Variants in DCP1B observed in about 807,000 individuals in gnomAD.
The protein encoded by DCP1B is decapping mRNA 1B.
DCP1B carries 47 observed loss-of-function variants against 60.5 expected under a neutral mutation model. The ratio of observed to expected loss-of-function variants is 0.78; its 90% CI spans 0.61 to 0.99. The LOEUF is 0.99. Among genes scored for constraint, DCP1B ranks in the 50% least tolerant of loss-of-function variants. The pLI is 0.00. For synonymous variants in DCP1B, 267 were observed against 280.3 expected, an observed-to-expected ratio of 0.95 and a Z score of 0.47; for missense variants, 725 against 756.8, an observed-to-expected ratio of 0.96 and a Z score of 0.49.
chr12:1,993,042 T>G (rs1158752974), intron 3 of DCP1B: 2 of 684,274 alleles, frequency 2.9e-6, no homozygotes, highest in Non-Finnish European at 5.1e-6. Flanking sequence ...AAGACAGGGT[T>G]TAGGTTTATA....
At chr12:1,996,608 T>G (rs138228920) in intron 2 of DCP1B, among the ~76,000 whole-genome samples, 1 of 68,844 alleles carries the variant, frequency 1.5e-5, no homozygotes, top group African/African-American at 5.5e-5. Context: ...TAATAATAGC[T>G]GATGAGCTAA....
intron 3 of DCP1B, among the ~76,000 whole-genome samples, chr12:1,983,473 C>T (rs1167886463): frequency 6.6e-6 from 1 of 151,892 alleles, no homozygotes. Flanking sequence ...TTTCTTTCTT[C>T]TTTGACATGA....
intron 7 of DCP1B, chr12:1,950,162 A>G (rs1256890553): frequency 3.4e-6 from 2 of 583,782 alleles, no homozygotes; most frequent in African/African-American, 3.7e-5. Context: ...AGCAAGCTAG[A>G]AGTTGCTGTA....
chr12:1,965,137 T>C (rs2031250294), intron 5 of DCP1B, among the ~76,000 whole-genome samples: 1 of 152,182 alleles, frequency 6.6e-6, no homozygotes. Flanking sequence ...TTCCATTTGT[T>C]TGAGTCTATT....
chr12:1,950,401 A>G (rs1469792446), intron 7 of DCP1B: 4 of 702,300 alleles, frequency 5.7e-6, no homozygotes, highest in Non-Finnish European at 1.0e-5. Context: ...GGAGTTGTAC[A>G]TCAGAAATTT....
intron 3 of DCP1B, 109 bp downstream of exon 3, chr12:1,993,155 C>A: frequency 7.1e-7 from 1 of 1,417,450 alleles, no homozygotes. Context: ...GCTGACACCC[C>A]CCATAGCCAC....
At chr12:1,999,551 C>T (rs7137208) in intron 1 of DCP1B, among the ~76,000 whole-genome samples, 110,377 of 151,938 alleles carry the variant, frequency 0.73, 40,620 homozygotes, top group African/African-American at 0.85. Context: ...TGAGACCTTG[C>T]CTCTACAAAA....
chr12:1,971,261 A>T lies in DCP1B; in HGVS notation c.320-3351T>A. On this transcript the variant is annotated intron_variant, in intron 3 of 8. Transcript: ENST00000280665. The surrounding 1 kb of genome is among the most constrained non-coding windows in gnomAD (Gnocchi z 4.2). ...GAACATGTTGAAATTTACTCTAAAT[A>T]TCCTAATGATACCTAGAATGTGACT... 2.3e-6 allele frequency: 2 copies of T among 878,006 alleles called. No individual in the cohort carries two copies. Among genetic ancestry groups the T allele is most frequent in the Middle Eastern group, 3.0e-4 (1 of 3,284 alleles). The allele number at this position is 878,006 out of a possible 1,614,324, so 54.4% of individuals were successfully genotyped here. A position where few individuals can be genotyped will look rare whatever the true frequency, so the allele number is the denominator to read the frequency against.
intron 1 of DCP1B, among the ~76,000 whole-genome samples, chr12:2,001,279 G>C (rs908967335): frequency 3.9e-5 from 6 of 152,076 alleles, no homozygotes; most frequent in African/African-American, 1.4e-4. Flanking sequence ...GCTAAAACAA[G>C]ATTAGATGTT....
chr12:1,983,803 T>G (rs1004904549), intron 3 of DCP1B, among the ~76,000 whole-genome samples: 36 of 151,904 alleles, frequency 2.4e-4, no homozygotes, highest in African/African-American at 8.7e-4. Context: ...CTATTGATTG[T>G]AGAAAGTGGA....
chr12:2,000,002 G>A (rs2041823562), intron 1 of DCP1B, among the ~76,000 whole-genome samples: 1 of 152,052 alleles, frequency 6.6e-6, no homozygotes, highest in Non-Finnish European at 1.5e-5. Context: ...CCTATCTGCT[G>A]ACAAATGTAT....
rs2031163623 is a variant in DCP1B, at chr12:1,962,585, G to C, written c.522+2973C>G. ...ATTAATCTTTAGTGTGCATAATATA[G>C]TATAATTAATAAAGTATAACTAATT... On this transcript the variant is annotated intron_variant, in intron 5 of 8. Coordinates refer to ENST00000280665, the MANE Select transcript of DCP1B (RefSeq NM_152640.5). This position sits in a 1 kb window ranked among gnomAD's most constrained non-coding sequence, Gnocchi z 4.4. Among the ~76,000 whole-genome samples the C allele has an allele frequency of 6.6e-6, 1 of 151,808 alleles. No homozygotes were observed. Among genetic ancestry groups the C allele is most frequent in the African/African-American group, 2.4e-5 (1 of 41,294 alleles).
intron 3 of DCP1B, among the ~76,000 whole-genome samples, chr12:1,980,318 A>G (rs2035743527): frequency 6.6e-6 from 1 of 152,212 alleles, no homozygotes; most frequent in Non-Finnish European, 1.5e-5. Flanking sequence ...ATTCACTTCA[A>G]AGTACCTGAG....
rs780358996 is a variant in DCP1B at position 1,952,531 on chromosome 12, C to A, written c.1409G>T (p.Arg470Leu). Residue 470 changes from arginine (R) to leucine (L), a missense_variant, in exon 7 of 9, where the codon CGG (arginine) becomes CTG (leucine). Physicochemically the swap from Arg to Leu is moderately radical, Grantham distance 102. Coordinates refer to ENST00000280665, the MANE Select transcript of DCP1B (RefSeq NM_152640.5). The stretch of plus-strand genomic sequence containing the variant: ...AGGAAACTTAGCGGCCAAGGCTGGC[C>A]GGTTAGAGGCATGCAGCTGCTGCTC... Reference protein sequence around the residue: ...QQEQQLHASNRPALAAKFPVL... With the variant: ...QQEQQLHASNLPALAAKFPVL... 2.5e-6 allele frequency: 4 copies of A among 1,613,998 alleles called. No homozygotes were observed. The highest frequency in any genetic ancestry group is 3.4e-6 in the Non-Finnish European group (4 of 1,180,024).
chr12:1,945,327 T>C (rs1303131382), downstream of DCP1B, among the ~76,000 whole-genome samples: 1 of 152,164 alleles, frequency 6.6e-6, no homozygotes, highest in Non-Finnish European at 1.5e-5. Flanking sequence ...TACATTGTTG[T>C]TGGGAGTGTA....
intron 5 of DCP1B, among the ~76,000 whole-genome samples, chr12:1,956,461 A>G (rs2030888299): frequency 6.6e-6 from 1 of 152,160 alleles, no homozygotes; most frequent in African/African-American, 2.4e-5. Context: ...AGCATTCCCA[A>G]TGTGTTTTAC....
At chr12:1,989,273 T>C (rs796616319) in intron 3 of DCP1B, among the ~76,000 whole-genome samples, 4 of 152,302 alleles carry the variant, frequency 2.6e-5, no homozygotes, top group African/African-American at 9.6e-5. Context: ...GAGTTCAAGG[T>C]TGCAATGAGG....
downstream of DCP1B, among the ~76,000 whole-genome samples, chr12:1,941,888 G>A (rs1274469073): frequency 1.3e-5 from 2 of 152,044 alleles, no homozygotes; most frequent in Non-Finnish European, 2.9e-5. Context: ...CAACTAACGG[G>A]CAAAATAACC....
intron 3 of DCP1B, among the ~76,000 whole-genome samples, chr12:1,986,667 ATTT>A (rs71057813): frequency 6.7e-6 from 1 of 149,786 alleles, no homozygotes; most frequent in Non-Finnish European, 1.5e-5. Flanking sequence ...AGGTTTTGTT[ATTT>A]TTTTTTTCCT....
Sources: gnomAD v4.1 joint callset for allele counts (sites outside exome capture counted in the v4.1 genomes callset) on GRCh38, gnomAD v4.1.1 for gene constraint, Gnocchi (gnomAD v3.1) non-coding constraint, MANE v1.5 for transcripts, NCBI Gene and HGNC (gene_info 2026-07-23, HGNC 2026-07-21) for gene names.